The following TRAPPC9 variants were observed in gnomAD, a reference collection of about 807,000 sequenced individuals.
The protein encoded by TRAPPC9 is trafficking protein particle complex subunit 9, also known as IKK2 binding protein.
In TRAPPC9, 83 loss-of-function variants were observed where a neutral mutation model predicts 124.0. That is an observed-to-expected ratio of 0.67 (90% confidence interval 0.56 to 0.80). The LOEUF is 0.80. Ranked by LOEUF, TRAPPC9 falls within the 30% of genes least tolerant of loss-of-function variation. The pLI is 0.00. For synonymous variants in TRAPPC9, 638 were observed against 617.5 expected (o/e 1.03, Z -0.49); for missense variants, 1,302 against 1,508.3 (o/e 0.86, Z 2.27).
At chr8:140,060,677 C>A (rs1842556617) in intron 17 of TRAPPC9, among the ~76,000 whole-genome samples, 1 of 151,458 alleles carries the variant, frequency 6.6e-6, no homozygotes, top group South Asian at 2.1e-4. Context: ...CCCTCAGAGA[C>A]CACAGTGCTG....
intron 5 of TRAPPC9, among the ~76,000 whole-genome samples, chr8:140,424,572 T>G (rs1282797345): frequency 1.3e-5 from 2 of 148,494 alleles, no homozygotes; most frequent in Admixed American, 6.9e-5. Flanking sequence ...AAGGGCGCAG[T>G]GAGCTAGGAT....
intron 9 of TRAPPC9, among the ~76,000 whole-genome samples, chr8:140,338,965 G>A (rs2067119950): frequency 7.7e-6 from 1 of 129,848 alleles, no homozygotes; most frequent in Admixed American, 7.7e-5. Context: ...GCCACCAGAC[G>A]GCCACCTACA....
intron 17 of TRAPPC9, among the ~76,000 whole-genome samples, chr8:140,054,558 T>C (rs1355537667): frequency 1.3e-5 from 2 of 151,860 alleles, no homozygotes; most frequent in East Asian, 1.9e-4. Context: ...AATAATAGAT[T>C]AGAGCAAAAA....
At chr8:140,245,425 TCTTA>T (rs1396728646) in intron 16 of TRAPPC9, among the ~76,000 whole-genome samples, 2 of 152,108 alleles carry the variant, frequency 1.3e-5, no homozygotes, top group African/African-American at 4.8e-5. Context: ...TTTAACTCTC[TCTTA>T]AACTACAGAT....
chr8:140,033,673 T>TTTTTTTTG (rs1840672056), intron 17 of TRAPPC9, among the ~76,000 whole-genome samples: 2 of 76,732 alleles, frequency 2.6e-5, no homozygotes, highest in African/African-American at 5.0e-5. Flanking sequence ...TTTTTTTTTT[T>TTTTTTTTG]TTTTTTTTTT....
chr8:139,995,229 G>C (rs938540011), intron 18 of TRAPPC9, among the ~76,000 whole-genome samples: 1 of 152,226 alleles, frequency 6.6e-6, no homozygotes, highest in African/African-American at 2.4e-5. Flanking sequence ...GGACTCCAGA[G>C]GCGTGCCCTG....
intron 17 of TRAPPC9, among the ~76,000 whole-genome samples, chr8:140,112,541 A>G (rs992944190): frequency 1.3e-4 from 20 of 152,248 alleles, no homozygotes; most frequent in African/African-American, 4.8e-4. Flanking sequence ...CCTCCATTTC[A>G]TGTCAGGCAC....
rs112016314 is a variant in TRAPPC9 at position 139,872,331 on chromosome 8, G to A, written c.3055+13548C>T. ...TGGTGGGTAAATGGTTGGATGAGTG[G>A]ATGGATAGATGCGTAGGCTGGTGGA... is the stretch of plus-strand genomic sequence containing the variant. On this transcript the variant is annotated intron_variant, in intron 21 of 22. Coordinates refer to ENST00000438773, the MANE Select transcript of TRAPPC9 (RefSeq NM_001160372.4). 1.5e-3 allele frequency among the ~76,000 whole-genome samples: 208 copies of A among 139,534 alleles called. 2 individuals carry two copies. The highest frequency in any genetic ancestry group is 4.8e-3 in the African/African-American group (193 of 40,536). The allele number at this position is 139,534 out of a possible 152,430, so 91.5% of individuals were successfully genotyped here.
At chr8:140,431,097 T>C (rs546334327) in intron 4 of TRAPPC9, among the ~76,000 whole-genome samples, 37 of 152,284 alleles carry the variant, frequency 2.4e-4, no homozygotes, top group South Asian at 6.2e-4. Context: ...GTGGCTTGGG[T>C]AGGTCAAGAT....
intron 17 of TRAPPC9, among the ~76,000 whole-genome samples, chr8:140,196,173 AAC>A (rs1472177533): frequency 2.2e-5 from 3 of 136,396 alleles, no homozygotes; most frequent in Non-Finnish European, 3.1e-5. Flanking sequence ...GTGACACTAA[AAC>A]ACACTCAACG....
chr8:139,870,218 A>G (rs1828812417), intron 21 of TRAPPC9, among the ~76,000 whole-genome samples: 1 of 152,226 alleles, frequency 6.6e-6, no homozygotes, highest in Non-Finnish European at 1.5e-5. Flanking sequence ...TTTTTAGAAA[A>G]ACAAAGGGAG....
chr8:140,239,254 G>T (rs962325655), intron 16 of TRAPPC9, among the ~76,000 whole-genome samples: 4 of 152,222 alleles, frequency 2.6e-5, no homozygotes, highest in African/African-American at 9.6e-5. Flanking sequence ...GGGCAGCTGG[G>T]GGTGGAGGGG....
At chr8:140,228,947 AG>A (rs1177047746) in intron 16 of TRAPPC9, among the ~76,000 whole-genome samples, 2 of 152,248 alleles carry the variant, frequency 1.3e-5, no homozygotes, top group African/African-American at 4.8e-5. Context: ...CCCAGCAGCA[AG>A]GGAAGTCATA....
At chr8:139,800,509 G>C (rs904780344) in intron 21 of TRAPPC9, among the ~76,000 whole-genome samples, 1 of 152,246 alleles carries the variant, frequency 6.6e-6, no homozygotes, top group Non-Finnish European at 1.5e-5. Flanking sequence ...TCCCAAAGCT[G>C]AGGGGCAGTG....
At chr8:140,290,172 C>A (rs906017099) in intron 12 of TRAPPC9, among the ~76,000 whole-genome samples, 1 of 152,184 alleles carries the variant, frequency 6.6e-6, no homozygotes, top group Non-Finnish European at 1.5e-5. Context: ...CCCCTCAGGG[C>A]CTTGCCTGGG....
chr8:139,769,447 G>A (rs1301543991), intron 21 of TRAPPC9, among the ~76,000 whole-genome samples: 1 of 152,250 alleles, frequency 6.6e-6, no homozygotes, highest in African/African-American at 2.4e-5. Flanking sequence ...TGCAGGGCAT[G>A]ACGGGCAAGA....
chr8:140,025,180 C>T (rs1406562418), intron 17 of TRAPPC9, among the ~76,000 whole-genome samples: 2 of 152,146 alleles, frequency 1.3e-5, no homozygotes, highest in African/African-American at 4.8e-5. Flanking sequence ...CTGGGGGCAC[C>T]CAGAGTAACC....
chr8:140,052,734 A>G (rs1045708336), intron 17 of TRAPPC9, among the ~76,000 whole-genome samples: 3 of 152,038 alleles, frequency 2.0e-5, no homozygotes, highest in African/African-American at 7.2e-5. Flanking sequence ...GTGAGCAAAG[A>G]TCGCACCACT....
intron 19 of TRAPPC9, among the ~76,000 whole-genome samples, chr8:139,921,957 G>A (rs1455647273): frequency 4.0e-5 from 6 of 151,824 alleles, no homozygotes; most frequent in Admixed American, 3.9e-4. Flanking sequence ...CCAGGGGTGT[G>A]CACACCTGCC....
Sources: gnomAD v4.1 joint callset for allele counts (sites outside exome capture counted in the v4.1 genomes callset) on GRCh38, gnomAD v4.1.1 for gene constraint, MANE v1.5 for transcripts, NCBI Gene and HGNC (gene_info 2026-07-23, HGNC 2026-07-21) for gene names.